PRICKLE1: variants seen among roughly 807,000 people sequenced by gnomAD.
PRICKLE1 encodes the protein prickle-like protein 1.
PRICKLE1 carries 14 observed loss-of-function variants against 70.2 expected under a neutral mutation model. The ratio of observed to expected loss-of-function variants is 0.20; its 90% CI spans 0.13 to 0.31. PRICKLE1 has a LOEUF of 0.31. Among genes scored for constraint, PRICKLE1 ranks in the 10% least tolerant of loss-of-function variants. The pLI is 1.00. For synonymous variants in PRICKLE1, 357 were observed against 379.9 expected (o/e 0.94, Z 0.70); for missense variants, 821 against 1,026.2 (o/e 0.80, Z 2.73).
Position 42,460,593 on chromosome 12 carries a change from G to T in PRICKLE1, c.1712C>A (p.Thr571Lys). Residue 571 changes from threonine to lysine, a missense_variant, in exon 8 of 8, where the codon ACA becomes AAA. Coordinates refer to ENST00000345127, the MANE Select transcript of PRICKLE1 (RefSeq NM_153026.3). ...YSLQNFEEME[T>K]EDCEKMSNMG... ...ATTGCTCATCTTCTCACAATCTTCT[G>T]TTTCCATCTCCTCAAAATTTTGCAG... The T allele has an allele frequency of 6.2e-7, 1 of 1,613,730 alleles. No homozygotes were observed. The highest frequency in any genetic ancestry group is 2.2e-5 in the East Asian group (1 of 44,880).
At position 42,468,784 on chromosome 12, in the gene PRICKLE1, G is replaced by A. The variant is rs1284958285; in HGVS notation, c.430C>T (p.Arg144Cys). ...NGGEVAVFASRAGPGVCWHPS... is the reference protein window; with the variant it reads ...NGGEVAVFASCAGPGVCWHPS... ...TGCCAGCACACACCAGGGCCCGCAC[G>A]GGAGGCGAACACTGCAACTTCACCT... Residue 144 changes from arginine (R) to cysteine (C), a missense_variant, in exon 5 of 8, where the codon CGT (arginine) becomes TGT (cysteine). Physicochemically the swap from Arg to Cys is radical, Grantham distance 180. Transcript: ENST00000345127. The A allele has an allele frequency of 5.0e-6, 8 of 1,614,134 alleles. No individual in the cohort carries two copies. Among genetic ancestry groups the A allele is most frequent in the Non-Finnish European group, 6.8e-6 (8 of 1,180,030 alleles).
chr12:42,537,401 G>A (rs903764651), intron 1 of PRICKLE1, among the ~76,000 whole-genome samples: 3 of 152,234 alleles, frequency 2.0e-5, no homozygotes, highest in Non-Finnish European at 2.9e-5. Context: ...CTGGGCTCAA[G>A]CGACCATCCT....
intron 1 of PRICKLE1, among the ~76,000 whole-genome samples, chr12:42,582,538 T>C (rs1172984252): frequency 1.3e-5 from 2 of 152,250 alleles, no homozygotes; most frequent in East Asian, 1.9e-4. Context: ...ATTAATTTCA[T>C]AGTCACAGAA....
intron 1 of PRICKLE1, among the ~76,000 whole-genome samples, chr12:42,473,003 G>A (rs1938385387): frequency 6.6e-6 from 1 of 152,128 alleles, no homozygotes; most frequent in Non-Finnish European, 1.5e-5. Context: ...ACCCCACTCG[G>A]CACCCCTGTA....
chr12:42,520,900 G>T (rs1939698597), intron 1 of PRICKLE1, among the ~76,000 whole-genome samples: 1 of 152,194 alleles, frequency 6.6e-6, no homozygotes, highest in Admixed American at 6.5e-5. Flanking sequence ...GCCAGGCGTG[G>T]TGGCTCACGC....
intron 1 of PRICKLE1, among the ~76,000 whole-genome samples, chr12:42,491,122 G>A (rs1288619893): frequency 2.0e-5 from 3 of 151,026 alleles, no homozygotes; most frequent in Non-Finnish European, 2.9e-5. Flanking sequence ...GGATCTGCCC[G>A]CCTCAGCCTC....
At chr12:42,475,621 G>C (rs965079581) in intron 1 of PRICKLE1, among the ~76,000 whole-genome samples, 1 of 152,026 alleles carries the variant, frequency 6.6e-6, no homozygotes, top group South Asian at 2.1e-4. Context: ...CTTTACCCAC[G>C]GAAGGCATTT....
chr12:42,559,464 T>C (rs1192460005), intron 1 of PRICKLE1, among the ~76,000 whole-genome samples: 1 of 151,918 alleles, frequency 6.6e-6, no homozygotes, highest in Non-Finnish European at 1.5e-5. Flanking sequence ...CACTATAGCA[T>C]CAGACTTTTG....
intron 1 of PRICKLE1, among the ~76,000 whole-genome samples, chr12:42,527,113 CT>C (rs111480495): frequency 3.6e-4 from 42 of 117,286 alleles, no homozygotes; most frequent in Middle Eastern, 4.5e-3. Context: ...AGTGTGCTTT[CT>C]TTTTTTTTTT....
At chr12:42,494,443 AC>A (rs1299062472) in intron 1 of PRICKLE1, among the ~76,000 whole-genome samples, 1 of 152,220 alleles carries the variant, frequency 6.6e-6, no homozygotes, top group Non-Finnish European at 1.5e-5. Context: ...GGTCATTTCA[AC>A]AATGTTCACA....
chr12:42,506,761 C>T (rs565170445), intron 1 of PRICKLE1, among the ~76,000 whole-genome samples: 5 of 151,332 alleles, frequency 3.3e-5, no homozygotes, highest in South Asian at 4.2e-4. Context: ...TTAGTAGAGA[C>T]GGTGTTTCAC....
chr12:42,484,440 C>T (rs1938932867), intron 1 of PRICKLE1: 1 of 152,184 alleles, frequency 6.6e-6, no homozygotes, highest in Non-Finnish European at 1.5e-5. Flanking sequence ...CTCCACTCTG[C>T]CCATAACAAT....
rs1389266910 is a variant in PRICKLE1 at position 42,589,123 on chromosome 12, C to T, written c.-49+342G>A. The T allele has an allele frequency of 6.6e-6, 1 of 152,406 alleles. No individual in the cohort carries two copies. The highest frequency in any genetic ancestry group is 1.5e-5 in the Non-Finnish European group (1 of 68,098). The allele number at this position is 152,406 out of a possible 1,614,324, so 9.4% of individuals were successfully genotyped here. A position where few individuals can be genotyped will look rare whatever the true frequency, so the allele number is the denominator to read the frequency against. On this transcript the variant is annotated intron_variant, in intron 1 of 7. Coordinates refer to ENST00000345127, the MANE Select transcript of PRICKLE1 (RefSeq NM_153026.3). This position sits in a 1 kb window ranked among gnomAD's most constrained non-coding sequence, Gnocchi z 5.0. The stretch of plus-strand genomic sequence containing the variant: ...GAACACGCCAACGCACCCTCGCCTC[C>T]CGGCGCCCCGCATCGCCTCGACCCT...
In PRICKLE1 at chr12:42,464,756, G is replaced by A; in HGVS notation, c.1278C>T (p.Ser426=). ...TCTCATTGGGCTGTGGCTGAAAGAG[G>A]CTTTTATCACCAAACTTGAGGAGGA... ...TQLLLKFGDK[S]LFQPQPNEMD... is the part of the protein sequence containing the mutation. The change falls in exon 7 of 8, where the codon AGC becomes AGT. Residue 426 remains serine, a synonymous_variant. Transcript: ENST00000345127. The surrounding 1 kb of genome is among the most constrained non-coding windows in gnomAD (Gnocchi z 4.2). 6.2e-7 allele frequency: 1 copy of A among 1,613,998 alleles called. No individual in the cohort carries two copies. The highest frequency in any genetic ancestry group is 1.1e-5 in the South Asian group (1 of 91,074).
intron 1 of PRICKLE1, among the ~76,000 whole-genome samples, chr12:42,531,633 C>G (rs1026649442): frequency 1.3e-5 from 2 of 152,052 alleles, no homozygotes; most frequent in African/African-American, 2.4e-5. Flanking sequence ...TTTAATACTT[C>G]GTAATTCACA....
At chr12:42,536,104 T>C (rs953277504) in intron 1 of PRICKLE1, among the ~76,000 whole-genome samples, 2 of 152,156 alleles carry the variant, frequency 1.3e-5, no homozygotes, top group Non-Finnish European at 2.9e-5. Context: ...AACAGTGTGA[T>C]GAAACGCTCA....
At position 42,472,408 on chromosome 12, in the gene PRICKLE1, G is replaced by A; in HGVS notation, c.109C>T (p.Pro37Ser). Residue 37 changes from proline to serine, a missense_variant, in exon 2 of 8, where the codon CCC becomes TCC. Pro to Ser is a moderately conservative substitution (Grantham distance 74). Transcript: ENST00000345127. ...GCALEEYAWV[P>S]PGLRPEQIQL... ...ACCTGCTCTGGTCTCAGGCCCGGGG[G>A]GACCCAGGCGTACTCCTCCAATGCA... is the stretch of plus-strand genomic sequence containing the variant. The A allele has an allele frequency of 6.2e-7, 1 of 1,614,080 alleles. No homozygotes were observed. Among genetic ancestry groups the A allele is most frequent in the South Asian group, 1.1e-5 (1 of 91,070 alleles).
intron 1 of PRICKLE1, among the ~76,000 whole-genome samples, chr12:42,507,680 G>A (rs1939443300): frequency 6.6e-6 from 1 of 152,192 alleles, no homozygotes; most frequent in Non-Finnish European, 1.5e-5. Flanking sequence ...GTCAATGAAG[G>A]TTGCATTGCA....
intron 1 of PRICKLE1, among the ~76,000 whole-genome samples, chr12:42,561,916 T>C (rs990729867): frequency 1.4e-5 from 2 of 145,494 alleles, no homozygotes; most frequent in South Asian, 2.2e-4. Context: ...TTTTTTTTTT[T>C]TTTTTTTTTT....
Sources: gnomAD v4.1 joint callset for allele counts (sites outside exome capture counted in the v4.1 genomes callset) on GRCh38, gnomAD v4.1.1 for gene constraint, Gnocchi (gnomAD v3.1) non-coding constraint, MANE v1.5 for transcripts, NCBI Gene and HGNC (gene_info 2026-07-23, HGNC 2026-07-21) for gene names.